TMOD3: variants seen among roughly 807,000 people sequenced by gnomAD.
TMOD3 encodes tropomodulin 3, also known as tropomodulin-3.
Under a neutral mutation model 39.2 loss-of-function variants are expected in TMOD3, and 20 were observed. The observed-to-expected ratio is 0.51, with a 90% confidence interval of 0.36 to 0.74. The LOEUF (loss-of-function observed/expected upper bound fraction) is 0.74, where lower values mean the gene tolerates loss of function less well. Among genes scored for constraint, TMOD3 ranks in the 30% least tolerant of loss-of-function variants. TMOD3 has a pLI of 0.00. For synonymous variants in TMOD3, 143 were observed against 145.8 expected, an observed-to-expected ratio of 0.98 and a Z score of 0.14; for missense variants, 381 against 412.8, an observed-to-expected ratio of 0.92 and a Z score of 0.67.
At chr15:51,859,711 G>T in intron 1 of TMOD3, 1 of 484,192 alleles carries the variant, frequency 2.1e-6, no homozygotes, top group South Asian at 1.7e-5. Flanking sequence ...CAAAAAGCAT[G>T]GCTATGTCAG....
At chr15:51,872,440 T>A (rs1261469356) in intron 3 of TMOD3, among the ~76,000 whole-genome samples, 1 of 151,956 alleles carries the variant, frequency 6.6e-6, no homozygotes, top group African/African-American at 2.4e-5. Flanking sequence ...CCTATCATGC[T>A]CCTTCCCAGT....
Position 51,877,056 on chromosome 15 carries a change from C to G in TMOD3, c.283+7683C>G, listed in dbSNP as rs113559220. ...CCACCCTTGGCATCAGAGCGAGACTCTGTCTCAAAAAAAATAAAGAAAAAG... is the reference window on the plus strand; with the variant it reads ...CCACCCTTGGCATCAGAGCGAGACTGTGTCTCAAAAAAAATAAAGAAAAAG... On this transcript the variant is annotated intron_variant, in intron 3 of 9. Transcript: ENST00000308580. Among the ~76,000 whole-genome samples the G allele has an allele frequency of 7.5e-3, 1,144 of 152,146 alleles. 17 individuals carry two copies. The highest frequency in any genetic ancestry group is 0.027 in the African/African-American group (1,102 of 41,524).
rs2056608249 is a variant in TMOD3 at position 51,893,914 on chromosome 15, A to G, written c.596A>G (p.His199Arg). ...SLKRTKENDA[H>R]LVEVNLNNIK... ...AAGAGAACTAAAGAAAACGATGCTC[A>G]TCTTGTTGAAGTTAATTTGAATAAT... Residue 199 changes from histidine (H) to arginine (R), a missense_variant, in exon 6 of 10, where the codon CAT (histidine) becomes CGT (arginine). By Grantham distance (29) the His-to-Arg change is conservative. Transcript: ENST00000308580. The G allele has an allele frequency of 3.7e-6, 6 of 1,607,468 alleles. No homozygotes were observed. The highest frequency in any genetic ancestry group is 5.1e-6 in the Non-Finnish European group (6 of 1,175,902).
At chr15:51,848,350 C>A (rs980324814) in intron 1 of TMOD3, among the ~76,000 whole-genome samples, 5 of 152,210 alleles carry the variant, frequency 3.3e-5, no homozygotes, top group Non-Finnish European at 7.3e-5. Context: ...GATATTCATA[C>A]TCAGCCTCAA....
At chr15:51,878,099 T>G (rs1264325650) in intron 3 of TMOD3, among the ~76,000 whole-genome samples, 1 of 152,274 alleles carries the variant, frequency 6.6e-6, no homozygotes, top group Admixed American at 6.5e-5. Context: ...CACCAGGCTC[T>G]GCCTGAATTT....
intron 1 of TMOD3, chr15:51,860,675 C>T (rs557998268): frequency 7.9e-5 from 38 of 483,682 alleles, no homozygotes; most frequent in Middle Eastern, 7.0e-4. Flanking sequence ...GTGGCTCATG[C>T]CTGTAGTCCC....
intron 1 of TMOD3, among the ~76,000 whole-genome samples, chr15:51,846,754 C>G (rs1195014552): frequency 1.3e-5 from 2 of 152,174 alleles, no homozygotes. Flanking sequence ...ATAAAGAACT[C>G]TGTAACCTTA....
chr15:51,905,039 G>C (rs188878733), intron 9 of TMOD3, among the ~76,000 whole-genome samples: 1 of 152,194 alleles, frequency 6.6e-6, no homozygotes, highest in African/African-American at 2.4e-5. Context: ...GCACATTCCT[G>C]GATAGGGCAA....
At chr15:51,865,290 A>G (rs1012428808) in intron 2 of TMOD3, among the ~76,000 whole-genome samples, 1 of 152,184 alleles carries the variant, frequency 6.6e-6, no homozygotes, top group Non-Finnish European at 1.5e-5. Context: ...CAAAAACACT[A>G]CTGGTTCAGA....
Position 51,889,072 on chromosome 15 carries a change from C to T in TMOD3, c.423C>T (p.His141=). The change falls in exon 5 of 10, where the codon CAC becomes CAT. Residue 141 remains histidine, a synonymous_variant. Transcript: ENST00000308580. ...TATTTATAGCAATTCTTGGGATGCACAATTTGATAACGAATACAAAGTTCT... is the reference window on the plus strand; with the variant it reads ...TATTTATAGCAATTCTTGGGATGCATAATTTGATAACGAATACAAAGTTCT... ...LCDLAAILGM[H]NLITNTKFCN... is the part of the protein sequence containing the mutation. 2 of 1,581,526 alleles carry T rather than the reference C, an allele frequency of 1.3e-6. No individual in the cohort carries two copies. Among genetic ancestry groups the T allele is most frequent in the Non-Finnish European group, 1.7e-6 (2 of 1,169,436 alleles).
intron 3 of TMOD3, 126 bp downstream of exon 3, chr15:51,869,499 C>T (rs1947401968): frequency 8.0e-6 from 7 of 874,678 alleles, no homozygotes; most frequent in Non-Finnish European, 1.2e-5. Flanking sequence ...ATACTGTTGA[C>T]TTAGACATTT....
At chr15:51,858,813 C>T (rs1033809856) in intron 1 of TMOD3, among the ~76,000 whole-genome samples, 1 of 152,114 alleles carries the variant, frequency 6.6e-6, no homozygotes, top group African/African-American at 2.4e-5. Context: ...ACATTTAGGA[C>T]TTATGGTAGG....
Position 51,884,283 on chromosome 15 carries a change from GA to G in TMOD3, c.284-3305del, listed in dbSNP as rs1169477394. ...GATTACCTGTTGTGTTCTAGGCAAG[GA>G]TGCAGGGATGAACAGAACATAGAGC... On this transcript the variant is annotated intron_variant, in intron 3 of 9. Transcript: ENST00000308580. Among the ~76,000 whole-genome samples the G allele has an allele frequency of 6.8e-4, 104 of 152,240 alleles. 1 individual carries two copies. The highest frequency in any genetic ancestry group is 2.4e-4 in the Non-Finnish European group (16 of 68,042).
At chr15:51,833,079 T>C (rs1248210334) in intron 1 of TMOD3, 1 of 152,250 alleles carries the variant, frequency 6.6e-6, no homozygotes, top group Non-Finnish European at 1.5e-5. Flanking sequence ...AAAAATGGTA[T>C]AGACAATAGA....
At chr15:51,879,683 T>C (rs2141695354) in intron 3 of TMOD3, among the ~76,000 whole-genome samples, 1 of 152,196 alleles carries the variant, frequency 6.6e-6, no homozygotes, top group East Asian at 1.9e-4. Context: ...GTTACCAACC[T>C]AAATGAGTAA....
intron 1 of TMOD3, among the ~76,000 whole-genome samples, chr15:51,857,878 T>A (rs1400147889): frequency 6.6e-6 from 1 of 152,122 alleles, no homozygotes; most frequent in Non-Finnish European, 1.5e-5. Flanking sequence ...AAAGGGAAAA[T>A]TTTTTTAAGT....
intron 2 of TMOD3, among the ~76,000 whole-genome samples, chr15:51,865,882 C>T (rs1272689208): frequency 2.0e-5 from 3 of 151,894 alleles, no homozygotes; most frequent in Non-Finnish European, 4.4e-5. Flanking sequence ...TGCTAACTCA[C>T]TGAGTTTTTG....
intron 3 of TMOD3, among the ~76,000 whole-genome samples, chr15:51,877,782 C>T (rs1206062071): frequency 2.6e-5 from 4 of 152,070 alleles, no homozygotes; most frequent in Admixed American, 6.5e-5. Context: ...GAGTTCCCTA[C>T]CCAATTGTGA....
At chr15:51,860,998 A>C in intron 1 of TMOD3, 1 of 605,954 alleles carries the variant, frequency 1.7e-6, no homozygotes, top group East Asian at 4.2e-5. Flanking sequence ...CTCTTTGCTG[A>C]GGCACTTCGG....
Sources: allele counts gnomAD v4.1 joint callset (sites outside exome capture counted in the v4.1 genomes callset), GRCh38; gene constraint gnomAD v4.1.1; transcripts MANE v1.5; gene names NCBI Gene and HGNC (gene_info 2026-07-23, HGNC 2026-07-21).